The following NAPEPLD variants were observed in gnomAD, a reference collection of about 807,000 sequenced individuals.
NAPEPLD encodes the protein N-acyl phosphatidylethanolamine phospholipase D.
NAPEPLD carries 23 observed loss-of-function variants against 38.1 expected under a neutral mutation model. That is an observed-to-expected ratio of 0.60 (90% CI 0.43 to 0.86). The LOEUF is 0.86. Among genes scored for constraint, NAPEPLD ranks in the 40% least tolerant of loss-of-function variants. NAPEPLD has a pLI of 0.00. For synonymous variants in NAPEPLD, 147 were observed against 162.0 expected (o/e 0.91, Z 0.71); for missense variants, 411 against 476.8 (o/e 0.86, Z 1.28).
intron 1 of NAPEPLD, among the ~76,000 whole-genome samples, chr7:103,135,360 A>G (rs1355495201): frequency 6.6e-6 from 1 of 152,198 alleles, no homozygotes; most frequent in Non-Finnish European, 1.5e-5. Context: ...GGGTAAAATT[A>G]AACTGTTCCC....
intron 1 of NAPEPLD, among the ~76,000 whole-genome samples, chr7:103,132,442 AGGAGGAGAGTGGG>A: frequency 6.6e-6 from 1 of 152,222 alleles, no homozygotes; most frequent in East Asian, 1.9e-4. Flanking sequence ...CTGGTTGGTC[AGGAGGAGAGTGGG>A]AAGAGTCAGA....
intron 2 of NAPEPLD, chr7:103,128,237 G>A (rs141098318): frequency 5.9e-4 from 272 of 462,060 alleles, no homozygotes; most frequent in African/African-American, 4.7e-3. Context: ...AGCTCTTCCT[G>A]TCAGCATCAC....
In NAPEPLD at chr7:103,149,080, C is replaced by T. The variant is rs1325863376; in HGVS notation, c.-286G>A. ...TCCACTTCGCCGAAGAATTCCAAAC[C>T]ACCCCAGGCTCAGCAGTGTGGATTG... On this transcript the variant is annotated 5_prime_UTR_variant, in exon 1 of 5. Transcript: ENST00000465647. 2.0e-6 allele frequency: 2 copies of T among 985,382 alleles called. No homozygotes were observed. Among genetic ancestry groups the T allele is most frequent in the African/African-American group, 1.7e-5 (1 of 57,240 alleles). The allele number at this position is 985,382 out of a possible 1,614,324, so 61.0% of individuals were successfully genotyped here.
chr7:103,145,084 C>T (rs75338012), intron 1 of NAPEPLD, among the ~76,000 whole-genome samples: 3,000 of 152,158 alleles, frequency 0.02, 90 homozygotes, highest in African/African-American at 0.069. Flanking sequence ...CATTCTATGT[C>T]TCAGGTGACC....
At chr7:103,103,894 T>C (rs974048197) in intron 4 of NAPEPLD, among the ~76,000 whole-genome samples, 6 of 152,220 alleles carry the variant, frequency 3.9e-5, no homozygotes, top group African/African-American at 1.4e-4. Flanking sequence ...GATGATGTTA[T>C]TAGAGAATTA....
intron 2 of NAPEPLD, 65 bp downstream of exon 2, chr7:103,128,418 C>G: frequency 1.3e-6 from 2 of 1,561,772 alleles, no homozygotes; most frequent in Non-Finnish European, 1.7e-6. Context: ...TATACAAGGG[C>G]TCAAATAACT....
chr7:103,141,237 GTTGTTTTTTTTTTTTTT>G (rs1191660959), intron 1 of NAPEPLD: 3 of 77,492 alleles, frequency 3.9e-5, no homozygotes, highest in Admixed American at 2.1e-4. Context: ...TACCTGTGGA[GTTGTTTTTTTTTTTTTT>G]TTTTTTTTTT....
intron 4 of NAPEPLD, among the ~76,000 whole-genome samples, chr7:103,108,268 G>A (rs1442750400): frequency 6.6e-6 from 1 of 151,250 alleles, no homozygotes; most frequent in Non-Finnish European, 1.5e-5. Context: ...TCAGCCTCCT[G>A]AGTAGTTGGG....
At chr7:103,142,273 T>C (rs935154741) in intron 1 of NAPEPLD, among the ~76,000 whole-genome samples, 7 of 151,836 alleles carry the variant, frequency 4.6e-5, no homozygotes, top group African/African-American at 1.7e-4. Context: ...GAAACTGCTA[T>C]ACAGTGGGAT....
intron 1 of NAPEPLD, among the ~76,000 whole-genome samples, chr7:103,130,967 G>T (rs1808810694): frequency 6.6e-6 from 1 of 152,042 alleles, no homozygotes; most frequent in Admixed American, 6.5e-5. Context: ...ATTAAGTTCA[G>T]GCCAAGGACT....
At chr7:103,134,659 T>TA (rs1809668162) in intron 1 of NAPEPLD, among the ~76,000 whole-genome samples, 1 of 151,910 alleles carries the variant, frequency 6.6e-6, no homozygotes. Context: ...TAAATAAAAA[T>TA]AAAAAATAAA....
At chr7:103,149,344 C>G (rs758382277), upstream of NAPEPLD, 67 of 1,151,246 alleles carry the variant, frequency 5.8e-5, no homozygotes, top group South Asian at 8.7e-4. Context: ...ACAGAGTCCC[C>G]GCGCAAAGCG....
chr7:103,120,221 T>C lies in NAPEPLD; in HGVS notation c.297A>G (p.Glu99=), dbSNP rs759077291. The stretch of plus-strand genomic sequence containing the variant: ...TAAGCACTGGGAGTTCTTTGTCTAG[T>C]TCCTTTGTGTATAAAGAAAGCAAGA... ...DHSSVPSSKE[E]LDKELPVLKP... Residue 99 remains glutamate (E), a splice_region_variant and synonymous_variant, in exon 3 of 5, where the codon GAA becomes GAG. Coordinates refer to ENST00000465647, the MANE Select transcript of NAPEPLD (RefSeq NM_001122838.3). 3.1e-6 allele frequency: 5 copies of C among 1,608,718 alleles called. No homozygotes were observed. The Admixed American group carries it at 6.7e-5, about 22-fold the overall frequency.
intron 2 of NAPEPLD, among the ~76,000 whole-genome samples, chr7:103,124,962 ATCT>A (rs1186372964): frequency 2.6e-5 from 4 of 152,232 alleles, no homozygotes; most frequent in East Asian, 3.8e-4. Flanking sequence ...TGAAACTCAT[ATCT>A]TCTTAACATA....
intron 4 of NAPEPLD, among the ~76,000 whole-genome samples, chr7:103,105,494 A>G (rs1010365907): frequency 1.3e-5 from 2 of 152,256 alleles, no homozygotes; most frequent in South Asian, 2.1e-4. Flanking sequence ...GTGCTTAAAT[A>G]TATGTAGGAA....
intron 1 of NAPEPLD, among the ~76,000 whole-genome samples, chr7:103,133,982 A>G (rs1204739160): frequency 6.6e-6 from 1 of 152,236 alleles, no homozygotes; most frequent in African/African-American, 2.4e-5. Context: ...TAAAAATACC[A>G]TGAATTGTAA....
At chr7:103,108,279 A>G (rs769893751) in intron 4 of NAPEPLD, among the ~76,000 whole-genome samples, 6 of 151,712 alleles carry the variant, frequency 4.0e-5, no homozygotes, top group Non-Finnish European at 7.4e-5. Context: ...AGTAGTTGGG[A>G]TCACAGGCGT....
rs999875960 is a variant in NAPEPLD, at chr7:103,100,022, G to A, written c.*3407C>T. ...TTTAAGAATACTTTAAATTTCATTT[G>A]TAAATACATAGATGCAAGACTGTTT... On this transcript the variant is annotated 3_prime_UTR_variant, in exon 5 of 5. Coordinates refer to ENST00000465647, the MANE Select transcript of NAPEPLD (RefSeq NM_001122838.3). The A allele has an allele frequency of 6.6e-5, 10 of 152,134 alleles. No homozygotes were observed. Among genetic ancestry groups the A allele is most frequent in the African/African-American group, 2.4e-4 (10 of 41,430 alleles). 9.4% of individuals were successfully genotyped at this position (152,134 alleles called of 1,614,324 possible). A position where few individuals can be genotyped will look rare whatever the true frequency, so the allele number is the denominator to read the frequency against.
intron 4 of NAPEPLD, among the ~76,000 whole-genome samples, chr7:103,107,770 C>CAT (rs3987944): frequency 0.98 from 149,880 of 152,172 alleles, 73,838 homozygotes; most frequent in Middle Eastern, 1. Context: ...CAAATCTACA[C>CAT]GATTGGTGTA....
Sources: allele counts gnomAD v4.1 joint callset (sites outside exome capture counted in the v4.1 genomes callset), GRCh38; gene constraint gnomAD v4.1.1; transcripts MANE v1.5; gene names NCBI Gene and HGNC (gene_info 2026-07-23, HGNC 2026-07-21).